RBMXL1: variants seen among roughly 807,000 people sequenced by gnomAD.
RBMXL1 encodes RBMX like 1, also known as RNA binding motif protein, X-linked-like-1.
A neutral mutation model predicts 29.0 loss-of-function variants in RBMXL1; 18 were observed. That is an observed-to-expected ratio of 0.62 (90% confidence interval 0.43 to 0.92). The LOEUF is 0.92. RBMXL1 is among the 40% of genes least tolerant of loss of function. RBMXL1 has a pLI of 0.00. For synonymous variants in RBMXL1, 141 were observed against 170.4 expected (o/e 0.83, Z 1.34); for missense variants, 403 against 495.8 (o/e 0.81, Z 1.78).
rs781017098 is a variant in RBMXL1 at position 88,983,777 on chromosome 1, G to A, written c.50C>T (p.Thr17Met). 33 of 1,613,640 alleles carry A rather than the reference G, an allele frequency of 2.0e-5. No homozygotes were observed. The Middle Eastern group carries it at 1.2e-3, about 56-fold the overall frequency. The change falls in exon 3 of 3, where the codon ACG becomes ATG. Residue 17 changes from threonine (T) to methionine (M), a missense_variant. Transcript: ENST00000652648. Reference protein sequence around the residue: ...PGKLFIGGLNTETNEKALETV... With the variant: ...PGKLFIGGLNMETNEKALETV... ...TTCAAGAGCTTTCTCATTTGTTTCCGTATTAAGCCCACCAATGAAGAGCTT... is the reference window on the plus strand; with the variant it reads ...TTCAAGAGCTTTCTCATTTGTTTCCATATTAAGCCCACCAATGAAGAGCTT...
chr1:88,986,193 AGAGAG>A (rs1677443321), intron 2 of RBMXL1, among the ~76,000 whole-genome samples: 1 of 119,484 alleles, frequency 8.4e-6, no homozygotes. Flanking sequence ...AAAAAAAAAA[AGAGAG>A]AGAGAGAGAG....
At chr1:88,989,714 G>A (rs997976962) in intron 1 of RBMXL1, among the ~76,000 whole-genome samples, 2 of 152,170 alleles carry the variant, frequency 1.3e-5, no homozygotes, top group Admixed American at 1.3e-4. Context: ...ATACTCTCTA[G>A]GTACCAGGCC....
At chr1:88,992,328 A>C (rs1031363839) in intron 1 of RBMXL1, among the ~76,000 whole-genome samples, 103 of 152,234 alleles carry the variant, frequency 6.8e-4, no homozygotes, top group Admixed American at 2.0e-4. Context: ...CTAAAAGCCC[A>C]AACAGCGAAA....
In RBMXL1 at chr1:88,983,678, C is replaced by T. The variant is rs1677244073; in HGVS notation, c.149G>A (p.Gly50Glu). Residue 50 changes from glycine to glutamate, a missense_variant, in exon 3 of 3, where the codon GGA becomes GAA. Physicochemically the swap from Gly to Glu is moderately conservative, Grantham distance 98. Transcript: ENST00000652648. ...GCTTTCAAAGGTGACAAAAGCAAAT[C>T]CTCTTGATTTGTTGGTTTCACGGTC... is the stretch of plus-strand genomic sequence containing the variant. ...IKDRETNKSR[G>E]FAFVTFESPA... 6.2e-7 allele frequency: 1 copy of T among 1,613,820 alleles called. No homozygotes were observed.
rs757591089 is a variant in RBMXL1, at chr1:88,983,388, G to A, written c.439C>T (p.Leu147Phe). Residue 147 changes from leucine (L) to phenylalanine (F), a missense_variant, in exon 3 of 3, where the codon CTC (leucine) becomes TTC (phenylalanine). Leu to Phe is a conservative substitution (Grantham distance 22). Coordinates refer to ENST00000652648, the MANE Select transcript of RBMXL1 (RefSeq NM_001162536.3). ...NFNMSSSRGP[L>F]PVKRGPPPRS... ...GGTGGTGGTCCTCTTTTTACTGGGA[G>A]TGGTCCCCTGGAAGAACTCATGTTA... is the stretch of plus-strand genomic sequence containing the variant. 2.5e-6 allele frequency: 4 copies of A among 1,614,232 alleles called. No homozygotes were observed. Among genetic ancestry groups the A allele is most frequent in the South Asian group, 1.1e-5 (1 of 91,084 alleles).
intron 2 of RBMXL1, among the ~76,000 whole-genome samples, chr1:88,987,944 G>A (rs1450809622): frequency 6.6e-6 from 1 of 152,184 alleles, no homozygotes; most frequent in Non-Finnish European, 1.5e-5. Flanking sequence ...TCCCTGAGCA[G>A]TCCTCCTGAA....
intron 1 of RBMXL1, among the ~76,000 whole-genome samples, chr1:88,992,015 G>A (rs1010017752): frequency 1.0e-4 from 14 of 140,318 alleles, no homozygotes; most frequent in Non-Finnish European, 1.8e-4. Flanking sequence ...GTCTTGCTCT[G>A]TCGCCCAGGC....
chr1:88,982,778 G>T lies in RBMXL1; in HGVS notation c.1049C>A (p.Pro350His), dbSNP rs1557705433. 1 of 1,613,964 alleles carries T rather than the reference G, an allele frequency of 6.2e-7. No homozygotes were observed. Among genetic ancestry groups the T allele is most frequent in the East Asian group, 2.2e-5 (1 of 44,878 alleles). The change falls in exon 3 of 3, where the codon CCT (proline) becomes CAT (histidine). Residue 350 changes from proline (P) to histidine (H), a missense_variant. Pro to His is a moderately conservative substitution (Grantham distance 77). Coordinates refer to ENST00000652648, the MANE Select transcript of RBMXL1 (RefSeq NM_001162536.3). The part of the protein sequence containing the change: ...RVGRQERGLP[P>H]SVERGYPSSR... The stretch of plus-strand genomic sequence containing the variant: ...AGAAGGGTACCCCCTTTCTACAGAA[G>T]GGGGAAGCCCTCTTTCTTGTCTGCC...
intron 2 of RBMXL1, among the ~76,000 whole-genome samples, chr1:88,985,694 T>G (rs1238059260): frequency 6.6e-6 from 1 of 152,126 alleles, no homozygotes; most frequent in Non-Finnish European, 1.5e-5. Flanking sequence ...GCTATGGCAA[T>G]TAAATGAGGC....
intron 2 of RBMXL1, 83 bp downstream of exon 2, chr1:88,988,169 T>TA (rs1677579922): frequency 3.5e-6 from 3 of 847,188 alleles, no homozygotes; most frequent in Non-Finnish European, 5.7e-6. Context: ...AAAGTATTTG[T>TA]AAAAAAGCAT....
chr1:88,982,983 T>G lies in RBMXL1; in HGVS notation c.844A>C (p.Arg282=). ...TTACCATAACTCTCATATGAATCTC[T>G]GTAGGAACCTCCACTTGGATGATCT... ...YSDHPSGGSY[R]DSYESYGNSR... is the part of the protein sequence containing the mutation. Residue 282 remains arginine (R), a synonymous_variant, in exon 3 of 3, where the codon AGA becomes CGA. Transcript: ENST00000652648. The G allele has an allele frequency of 1.2e-6, 2 of 1,613,560 alleles. No individual in the cohort carries two copies.
In RBMXL1 at chr1:88,988,323, A is replaced by G. The variant is rs1344829287; in HGVS notation, c.-312T>C. 1.2e-6 allele frequency: 2 copies of G among 1,613,088 alleles called. No homozygotes were observed. Among genetic ancestry groups the G allele is most frequent in the African/African-American group, 2.7e-5 (2 of 74,906 alleles). On this transcript the variant is annotated 5_prime_UTR_variant, in exon 2 of 3. Coordinates refer to ENST00000652648, the MANE Select transcript of RBMXL1 (RefSeq NM_001162536.3). ...AGGAATTTTGCTCTACCGCTAAGAG[A>G]GCAGAGGCTCCTCTGGGCCAAAAAC...
At position 88,983,793 on chromosome 1, in the gene RBMXL1, T is replaced by C. The variant is rs745621525; in HGVS notation, c.34A>G (p.Ile12Val). 2 of 1,614,016 alleles carry C rather than the reference T, an allele frequency of 1.2e-6. No homozygotes were observed. The highest frequency in any genetic ancestry group is 1.1e-5 in the South Asian group (1 of 91,082). ...TTTGTTTCCGTATTAAGCCCACCAATGAAGAGCTTTCCTGGGCGATCTGCT... is the reference window on the plus strand; with the variant it reads ...TTTGTTTCCGTATTAAGCCCACCAACGAAGAGCTTTCCTGGGCGATCTGCT... ...VEADRPGKLF[I>V]GGLNTETNEK... Residue 12 changes from isoleucine (I) to valine (V), a missense_variant, in exon 3 of 3, where the codon ATT (isoleucine) becomes GTT (valine). Transcript: ENST00000652648.
Position 88,983,194 on chromosome 1 carries a change from A to T in RBMXL1, c.633T>A (p.Asp211Glu). 6.2e-7 allele frequency: 1 copy of T among 1,612,806 alleles called. No individual in the cohort carries two copies. Among genetic ancestry groups the T allele is most frequent in the Admixed American group, 1.7e-5 (1 of 60,024 alleles). The change falls in exon 3 of 3, where the codon GAT (aspartate) becomes GAA (glutamate). Residue 211 changes from aspartate to glutamate, a missense_variant. Coordinates refer to ENST00000652648, the MANE Select transcript of RBMXL1 (RefSeq NM_001162536.3). Reference protein sequence around the residue: ...SRRDVYLSPRDDGYSTKDSYS... With the variant: ...SRRDVYLSPREDGYSTKDSYS... ...AGCTGTCTTTAGTAGAATACCCATC[A>T]TCTCTTGGGGACAAATAAACATCTC...
chr1:88,983,050 G>T lies in RBMXL1; in HGVS notation c.777C>A (p.Gly259=), dbSNP rs139696847. Residue 259 remains glycine, a synonymous_variant, in exon 3 of 3, where the codon GGC becomes GGA. Transcript: ENST00000652648. ...SSSRDDYPSR[G]YGDRDGYGRD... is the part of the protein sequence containing the mutation. ...GACCATATCCATCTCTATCGCCATAGCCTCTTGATGGATAGTCATCACGTG... is the reference window on the plus strand; with the variant it reads ...GACCATATCCATCTCTATCGCCATATCCTCTTGATGGATAGTCATCACGTG... The T allele has an allele frequency of 5.6e-5, 90 of 1,612,544 alleles. No homozygotes were observed. The African/African-American group carries it at 9.5e-4, about 17-fold the overall frequency.
At chr1:88,985,135 A>G (rs1295962214) in intron 2 of RBMXL1, among the ~76,000 whole-genome samples, 3 of 152,258 alleles carry the variant, frequency 2.0e-5, no homozygotes, top group African/African-American at 7.2e-5. Flanking sequence ...GGAATGCCAG[A>G]AATGGAGTCA....
Position 88,981,993 on chromosome 1 carries a change from T to A in RBMXL1, c.*661A>T, listed in dbSNP as rs1176601599. The A allele has an allele frequency of 9.2e-6, 9 of 982,658 alleles. No homozygotes were observed. The highest frequency in any genetic ancestry group is 1.1e-5 in the Non-Finnish European group (9 of 827,148). 60.9% of individuals were successfully genotyped at this position (982,658 alleles called of 1,614,324 possible). On this transcript the variant is annotated 3_prime_UTR_variant, in exon 3 of 3. Transcript: ENST00000652648. The stretch of plus-strand genomic sequence containing the variant: ...TTTTGGCCAAACTTTTTATTTAGTA[T>A]TCCGTAGTTGTTTAGCACACACTTA...
intron 2 of RBMXL1, 96 bp downstream of exon 2, chr1:88,988,156 A>T: frequency 2.7e-6 from 2 of 751,176 alleles, no homozygotes; most frequent in Non-Finnish European, 4.4e-6. Context: ...TGTTCATTTC[A>T]ATAAAGTATT....
At chr1:88,986,199 A>G (rs1375278006) in intron 2 of RBMXL1, among the ~76,000 whole-genome samples, 8 of 150,704 alleles carry the variant, frequency 5.3e-5, no homozygotes, top group African/African-American at 2.0e-4. Flanking sequence ...AAAAAGAGAG[A>G]GAGAGAGAGA....
Sources: allele counts gnomAD v4.1 joint callset (sites outside exome capture counted in the v4.1 genomes callset), GRCh38; gene constraint gnomAD v4.1.1; transcripts MANE v1.5; gene names NCBI Gene and HGNC (gene_info 2026-07-23, HGNC 2026-07-21).